The following STAG3 variants were observed in gnomAD, a reference collection of about 807,000 sequenced individuals.
STAG3 encodes STAG3 cohesin complex component, also known as cohesin subunit SA-3.
In STAG3, 101 loss-of-function variants were observed where a neutral mutation model predicts 160.7. The observed-to-expected ratio is 0.63, with a 90% CI of 0.54 to 0.74. STAG3 has a LOEUF of 0.74. Ranked by LOEUF, STAG3 falls within the 30% of genes least tolerant of loss-of-function variation. STAG3 has a pLI of 0.00. For synonymous variants in STAG3, 519 were observed against 585.0 expected (o/e 0.89, Z 1.63); for missense variants, 1,188 against 1,517.4 (o/e 0.78, Z 3.61).
intron 30 of STAG3, 43 bp downstream of exon 30, chr7:100,211,228 G>C: frequency 1.3e-6 from 2 of 1,533,776 alleles, no homozygotes; most frequent in Non-Finnish European, 1.8e-6. Context: ...TTCCCAGTTT[G>C]GTGTCTGGCT....
At position 100,188,437 on chromosome 7, in the gene STAG3, A is replaced by G. The variant is rs1366598740; in HGVS notation, c.434-16A>G. 6.4e-7 allele frequency: 1 copy of G among 1,566,290 alleles called. No individual in the cohort carries two copies. The highest frequency in any genetic ancestry group is 1.7e-5 in the Admixed American group (1 of 59,964). ...GTTATTTTCCTTGTAAGCACCTCATATCCTTCATTCTTTAGGCATTGTGAC... is the reference window on the plus strand; with the variant it reads ...GTTATTTTCCTTGTAAGCACCTCATGTCCTTCATTCTTTAGGCATTGTGAC... On this transcript the variant is annotated splice_polypyrimidine_tract_variant and intron_variant, in intron 5 of 33. Coordinates refer to ENST00000615138, the MANE Select transcript of STAG3 (RefSeq NM_001282717.2).
In STAG3 at chr7:100,202,173, C is replaced by G; in HGVS notation, c.2396C>G (p.Ala799Gly). The change falls in exon 24 of 34, where the codon GCT becomes GGT. Residue 799 changes from alanine to glycine, a missense_variant and splice_region_variant. Around this residue, in one of 4 missense-constraint regions of STAG3, gnomAD observed 647 missense variants for 717.2 expected, o/e 0.90. Transcript: ENST00000615138. ...ACATCCTTTCTTTTCCCCCTACAGG[C>G]TTTTGTCTTATTAAGTGATCTACTT... is the stretch of plus-strand genomic sequence containing the variant. ...SDVDTEIQEQ[A>G]FVLLSDLLLI... The G allele has an allele frequency of 1.2e-6, 2 of 1,612,460 alleles. No homozygotes were observed. Among genetic ancestry groups the G allele is most frequent in the Non-Finnish European group, 1.7e-6 (2 of 1,179,410 alleles).
At chr7:100,213,965 G>T (rs769220251) in intron 33 of STAG3, 42 bp from the exon 34 acceptor site, 100 of 1,614,014 alleles carry the variant, frequency 6.2e-5, no homozygotes, top group Non-Finnish European at 5.5e-5. Context: ...CCATTGGCCC[G>T]TTGCTGTGTC....
intron 19 of STAG3, 27 bp downstream of exon 19, chr7:100,200,996 C>CA (rs1801078024): frequency 6.2e-7 from 1 of 1,613,866 alleles, no homozygotes; most frequent in South Asian, 1.1e-5. Flanking sequence ...GACAATGGGA[C>CA]ACCCCAAACA....
chr7:100,211,464 C>T lies in STAG3; in HGVS notation c.3443C>T (p.Ser1148Leu). The change falls in exon 31 of 34, where the codon TCA becomes TTA. Residue 1148 changes from serine to leucine, a missense_variant. Around this residue, in one of 4 missense-constraint regions of STAG3, gnomAD observed 647 missense variants for 717.2 expected, o/e 0.90. Coordinates refer to ENST00000615138, the MANE Select transcript of STAG3 (RefSeq NM_001282717.2). ...CAGCCCGTCGCAGGCACCGAGAGGT[C>T]AAGGTTCTTGGGTCCACAATATTTC... Reference protein sequence around the residue: ...GSQPVAGTERSRFLGPQYFQT... With the variant: ...GSQPVAGTERLRFLGPQYFQT... 1 of 1,614,004 alleles carries T rather than the reference C, an allele frequency of 6.2e-7. No individual in the cohort carries two copies.
chr7:100,186,905 C>T (rs1800038602), intron 5 of STAG3, among the ~76,000 whole-genome samples: 1 of 152,208 alleles, frequency 6.6e-6, no homozygotes, highest in African/African-American at 2.4e-5. Context: ...TATTTCTCCT[C>T]TGTAGCTGTG....
chr7:100,215,776 A>G (rs565502383), downstream of STAG3, among the ~76,000 whole-genome samples: 65 of 152,240 alleles, frequency 4.3e-4, no homozygotes, highest in Non-Finnish European at 6.8e-4. Flanking sequence ...GTTTATTGAG[A>G]GGCTGGGTCT....
At position 100,211,008 on chromosome 7, in the gene STAG3, C is replaced by T. The variant is rs374273470; in HGVS notation, c.3239-3C>T. ...GTGGTTAATGTATGCATCTGCTTGGCAGGGCCTGCCAAGCCTAACAGAGAG... is the reference window on the plus strand; with the variant it reads ...GTGGTTAATGTATGCATCTGCTTGGTAGGGCCTGCCAAGCCTAACAGAGAG... On this transcript the variant is annotated splice_polypyrimidine_tract_variant and splice_region_variant and intron_variant, in intron 29 of 33. Transcript: ENST00000615138. The T allele has an allele frequency of 3.6e-5, 58 of 1,611,796 alleles. No homozygotes were observed. Among genetic ancestry groups the T allele is most frequent in the Middle Eastern group, 1.6e-4 (1 of 6,070 alleles).
chr7:100,181,901 C>CAAA (rs3041317), intron 2 of STAG3, among the ~76,000 whole-genome samples, 189 bp from the exon 3 acceptor site: 95 of 70,252 alleles, frequency 1.4e-3, no homozygotes, highest in Admixed American at 8.0e-3. Context: ...AACTCCGTCT[C>CAAA]AAAAAAAAAA....
chr7:100,178,295 G>T (rs979038879), intron 1 of STAG3, among the ~76,000 whole-genome samples: 6 of 152,092 alleles, frequency 3.9e-5, no homozygotes, highest in African/African-American at 1.4e-4. Context: ...TAGGAAACGC[G>T]CACCTGCCTT....
rs1245347681 is a variant in STAG3 at position 100,211,277 on chromosome 7, G to A, written c.3413+92G>A. The A allele has an allele frequency of 1.3e-5, 20 of 1,494,188 alleles. No homozygotes were observed. In the South Asian group the frequency reaches 2.4e-4, roughly 18 times the overall value. 92.6% of individuals were successfully genotyped at this position (1,494,188 alleles called of 1,614,324 possible). A position where few individuals can be genotyped will look rare whatever the true frequency, so the allele number is the denominator to read the frequency against. On this transcript the variant is annotated intron_variant, in intron 30 of 33. Transcript: ENST00000615138. ...TGTTTCTGTTTCATGGTTCCCTGCT[G>A]TAGCACTCCCACATTGTTGGGTTCT...
rs376074397 is a variant in STAG3 at position 100,211,136 on chromosome 7, T to C, written c.3364T>C (p.Leu1122=). 52 of 1,356,270 alleles carry C rather than the reference T, an allele frequency of 3.8e-5. No homozygotes were observed. In the African/African-American group the frequency reaches 7.1e-4, roughly 18 times the overall value. 84.0% of individuals were successfully genotyped at this position (1,356,270 alleles called of 1,614,324 possible). A position where few individuals can be genotyped will look rare whatever the true frequency, so the allele number is the denominator to read the frequency against. The part of the protein sequence containing the change: ...AVKSRQPLWG[L]KEMEEEDGSE... ...GAAGAGCAGGCAGCCCCTGTGGGGG[T>C]TGAAAGAGATGGAGGAAGAAGATGG... Residue 1122 remains leucine (L), a synonymous_variant, in exon 30 of 34, where the codon TTG becomes CTG. Transcript: ENST00000615138.
At chr7:100,192,606 T>C (rs1800409880) in intron 8 of STAG3, among the ~76,000 whole-genome samples, 1 of 152,232 alleles carries the variant, frequency 6.6e-6, no homozygotes, top group Non-Finnish European at 1.5e-5. Context: ...GTTTTTTGTT[T>C]TGAAGACAGG....
chr7:100,209,851 G>A (rs919358702), intron 29 of STAG3, among the ~76,000 whole-genome samples: 1 of 152,178 alleles, frequency 6.6e-6, no homozygotes, highest in African/African-American at 2.4e-5. Context: ...ACAGAAGGAT[G>A]GAGTTGACAG....
intron 13 of STAG3, 44 bp downstream of exon 13, chr7:100,198,626 G>A (rs201879680): frequency 2.6e-6 from 4 of 1,568,590 alleles, no homozygotes; most frequent in East Asian, 2.2e-5. Context: ...CACGCTCTCG[G>A]TTTCTCTCCT....
At chr7:100,202,697 C>A in intron 25 of STAG3, 107 bp downstream of exon 25, 1 of 1,426,706 alleles carries the variant, frequency 7.0e-7, no homozygotes, top group Non-Finnish European at 9.3e-7. Flanking sequence ...TGGTTTCAAG[C>A]TTAAAGGAGA....
chr7:100,198,632 C>A, intron 13 of STAG3, 50 bp downstream of exon 13: 1 of 1,541,502 alleles, frequency 6.5e-7, no homozygotes, highest in Non-Finnish European at 9.0e-7. Context: ...CTCGGTTTCT[C>A]TCCTCCATCT....
chr7:100,194,984 TA>T (rs1305119929), intron 8 of STAG3, among the ~76,000 whole-genome samples: 1 of 152,026 alleles, frequency 6.6e-6, no homozygotes, highest in Non-Finnish European at 1.5e-5. Context: ...TTAGTTTGTT[TA>T]AAAAAAATCC....
chr7:100,201,068 G>A lies in STAG3; in HGVS notation c.2062-22G>A, dbSNP rs370525054. The A allele has an allele frequency of 2.5e-6, 4 of 1,614,150 alleles. No homozygotes were observed. The South Asian group carries it at 3.3e-5, about 13-fold the overall frequency. On this transcript the variant is annotated intron_variant, in intron 19 of 33. Coordinates refer to ENST00000615138, the MANE Select transcript of STAG3 (RefSeq NM_001282717.2). ...GATGAGTTCTGGGGGAAATGCTATT[G>A]TGGATCTTCTTTCCTTCTCAGTCGT...
Sources: gnomAD v4.1 joint callset for allele counts (sites outside exome capture counted in the v4.1 genomes callset) on GRCh38, gnomAD v4.1.1 for gene constraint, gnomAD v4.1.1 regional missense constraint, MANE v1.5 for transcripts, NCBI Gene and HGNC (gene_info 2026-07-23, HGNC 2026-07-21) for gene names.